Variants in AGK observed in about 807,000 individuals in gnomAD.
The protein encoded by AGK is acylglycerol kinase, mitochondrial.
In AGK, 52 loss-of-function variants were observed where a neutral mutation model predicts 66.4. The ratio of observed to expected loss-of-function variants is 0.78; its 90% confidence interval spans 0.63 to 0.99. AGK has a LOEUF of 0.99. Among genes scored for constraint, AGK ranks in the 50% least tolerant of loss-of-function variants. The probability of loss-of-function intolerance (pLI) is 0.00; values close to 1 mark genes in which losing one functional copy is unlikely to be tolerated. For synonymous variants in AGK, 182 were observed against 181.1 expected (o/e 1.00, Z -0.04); for missense variants, 451 against 506.6 (o/e 0.89, Z 1.05).
chr7:141,605,348 T>G (rs1179244470), intron 5 of AGK, among the ~76,000 whole-genome samples: 2 of 152,164 alleles, frequency 1.3e-5, no homozygotes, highest in Non-Finnish European at 2.9e-5. Context: ...GTCTTTTGGG[T>G]CCTGGTTTAT....
intron 6 of AGK, among the ~76,000 whole-genome samples, chr7:141,612,084 T>C (rs974041908): frequency 4.6e-5 from 7 of 152,204 alleles, no homozygotes; most frequent in Non-Finnish European, 7.3e-5. Flanking sequence ...AGATGTCCTT[T>C]AGTAGGTGAA....
chr7:141,652,136 G>C (rs1477997633), intron 15 of AGK, among the ~76,000 whole-genome samples: 1 of 152,174 alleles, frequency 6.6e-6, no homozygotes, highest in Non-Finnish European at 1.5e-5. Context: ...AAAAAAGGAG[G>C]CTCTTCATAT....
intron 11 of AGK, among the ~76,000 whole-genome samples, chr7:141,640,331 A>C (rs1351534708): frequency 6.6e-6 from 1 of 152,118 alleles, no homozygotes; most frequent in Admixed American, 6.5e-5. Context: ...GTTTGAGACA[A>C]GGACAGCTGC....
At chr7:141,602,173 T>TTGTGTGTG (rs71172608) in intron 5 of AGK, among the ~76,000 whole-genome samples, 1,597 of 125,346 alleles carry the variant, frequency 0.013, 32 homozygotes, top group African/African-American at 0.039. Context: ...GGAGATTTTC[T>TTGTGTGTG]TGTGTGTGTG....
chr7:141,571,750 A>G (rs2116878819), intron 2 of AGK, among the ~76,000 whole-genome samples: 1 of 152,296 alleles, frequency 6.6e-6, no homozygotes, highest in Non-Finnish European at 1.5e-5. Flanking sequence ...GCAACCCTGG[A>G]TAGTTACTTA....
intron 6 of AGK, among the ~76,000 whole-genome samples, chr7:141,611,805 C>G (rs982572544): frequency 5.9e-5 from 9 of 152,128 alleles, no homozygotes; most frequent in Non-Finnish European, 1.2e-4. Context: ...CACTATGCAC[C>G]TATTAGAATG....
intron 2 of AGK, among the ~76,000 whole-genome samples, chr7:141,564,693 T>G (rs1795430298): frequency 6.6e-6 from 1 of 152,164 alleles, no homozygotes; most frequent in South Asian, 2.1e-4. Flanking sequence ...TTCCTGTTTT[T>G]CCTCCTCTGT....
intron 2 of AGK, among the ~76,000 whole-genome samples, chr7:141,561,457 C>T (rs975909186): frequency 6.6e-6 from 1 of 151,922 alleles, no homozygotes. Context: ...TAATTGTGGC[C>T]ATTCTTGCAG....
At position 141,602,004 on chromosome 7, in the gene AGK, G is replaced by C. The variant is rs189561773; in HGVS notation, c.297+724G>C. Among the ~76,000 whole-genome samples the C allele has an allele frequency of 1.1e-4, 17 of 151,906 alleles. No individual in the cohort carries two copies. The East Asian group carries it at 3.3e-3, about 29-fold the overall frequency. On this transcript the variant is annotated intron_variant, in intron 5 of 15. Coordinates refer to ENST00000649286, the MANE Select transcript of AGK (RefSeq NM_018238.4). ...CATGATTTTCCAGTTGTTTGCCCCC[G>C]GGGGTAGGAGAAAGGGGAAGAAAAC...
intron 2 of AGK, among the ~76,000 whole-genome samples, chr7:141,574,017 A>G (rs1364461489): frequency 2.0e-5 from 3 of 152,196 alleles, no homozygotes; most frequent in African/African-American, 7.2e-5. Flanking sequence ...ATTTGTTTAT[A>G]ATTGTATATG....
At chr7:141,599,189 A>C (rs2116931636) in intron 4 of AGK, 1 of 152,242 alleles carries the variant, frequency 6.6e-6, no homozygotes, top group Non-Finnish European at 1.5e-5. Flanking sequence ...CTGACACATA[A>C]TTTATAATTT....
At chr7:141,604,403 T>TATATATATATATATAC (rs1301537652) in intron 5 of AGK, among the ~76,000 whole-genome samples, 42 of 141,504 alleles carry the variant, frequency 3.0e-4, no homozygotes, top group African/African-American at 9.4e-4. Context: ...TATATATATA[T>TATATATATATATATAC]ACACATACAT....
At chr7:141,636,183 T>TA (rs374606444) in intron 10 of AGK, among the ~76,000 whole-genome samples, 299 of 152,332 alleles carry the variant, frequency 2.0e-3, no homozygotes, top group African/African-American at 6.5e-3. Context: ...AATGTGAAAT[T>TA]ATGCTGGTTT....
intron 2 of AGK, among the ~76,000 whole-genome samples, chr7:141,562,366 G>A (rs908177006): frequency 7.2e-5 from 11 of 152,170 alleles, no homozygotes; most frequent in African/African-American, 2.7e-4. Flanking sequence ...GCCATAAGTT[G>A]GGGCAAGTAT....
chr7:141,559,054 C>T (rs1795279856), intron 2 of AGK, among the ~76,000 whole-genome samples: 1 of 152,128 alleles, frequency 6.6e-6, no homozygotes, highest in Admixed American at 6.5e-5. Flanking sequence ...TATATTGTCT[C>T]CTATTCTGTA....
chr7:141,626,512 G>C (rs943952521), intron 9 of AGK, among the ~76,000 whole-genome samples: 3 of 152,182 alleles, frequency 2.0e-5, no homozygotes, highest in Admixed American at 6.5e-5. Flanking sequence ...GAAATCTAGT[G>C]ATCAAACTTA....
chr7:141,605,252 CG>C (rs1408116040), intron 5 of AGK, among the ~76,000 whole-genome samples: 4 of 152,182 alleles, frequency 2.6e-5, no homozygotes, highest in Admixed American at 6.5e-5. Context: ...TTTCAGAACA[CG>C]AAAGTTTCTT....
At chr7:141,552,262 A>G (rs1035093759) in intron 1 of AGK, among the ~76,000 whole-genome samples, 5 of 152,248 alleles carry the variant, frequency 3.3e-5, no homozygotes, top group African/African-American at 1.2e-4. Flanking sequence ...TAACAGTTCA[A>G]ATATGATTAT....
At chr7:141,601,392 T>G (rs1796338286) in intron 5 of AGK, 112 bp downstream of exon 5, 1 of 765,484 alleles carries the variant, frequency 1.3e-6, no homozygotes, top group African/African-American at 1.8e-5. Context: ...GAAATTAATG[T>G]TGTATCCTGT....
Sources: allele counts gnomAD v4.1 joint callset (sites outside exome capture counted in the v4.1 genomes callset), GRCh38; gene constraint gnomAD v4.1.1; transcripts MANE v1.5; gene names NCBI Gene and HGNC (gene_info 2026-07-23, HGNC 2026-07-21).